Variants in PCDHA5 observed in about 807,000 individuals in gnomAD.
The protein encoded by PCDHA5 is protocadherin alpha 5.
Under a neutral mutation model 61.6 loss-of-function variants are expected in PCDHA5, and 43 were observed. The ratio of observed to expected loss-of-function variants is 0.70; its 90% CI spans 0.55 to 0.90. The LOEUF is 0.90. Ranked by LOEUF, PCDHA5 falls within the 40% of genes least tolerant of loss-of-function variation. The pLI, the probability that PCDHA5 is intolerant of heterozygous loss-of-function variation, is 0.00. For missense variants in PCDHA5, 1,298 were observed against 1,222.7 expected, an observed-to-expected ratio of 1.06 and a Z score of -0.92; for synonymous variants, 627 against 543.9, an observed-to-expected ratio of 1.15 and a Z score of -2.13.
rs2098417406 is a variant in PCDHA5, at chr5:141,010,474, G to A, written c.*537G>A. Reference sequence around the variant, plus strand: ...CGGAAGTTATCAGTATGGAGGGGAAGTGTAAACTTAAAGGGACCAGACTTT... The same window carrying A: ...CGGAAGTTATCAGTATGGAGGGGAAATGTAAACTTAAAGGGACCAGACTTT... On this transcript the variant is annotated 3_prime_UTR_variant, in exon 4 of 4. Transcript: ENST00000529859. The A allele has an allele frequency of 3.9e-6, 3 of 760,382 alleles. No individual in the cohort carries two copies. The highest frequency in any genetic ancestry group is 3.2e-5 in the Admixed American group (1 of 31,594). The allele number at this position is 760,382 out of a possible 1,614,324, so 47.1% of individuals were successfully genotyped here.
At chr5:140,825,350 T>TATATATTAGATATATCAATATCTAAA (rs1768518151) in intron 1 of PCDHA5, 1 of 147,632 alleles carries the variant, frequency 6.8e-6, no homozygotes, top group Non-Finnish European at 1.5e-5. Context: ...ATATATCTAA[T>TATATATTAGATATATCAATATCTAAA]ATATATTAGA....
chr5:140,952,566 G>A (rs1198943972), intron 1 of PCDHA5, among the ~76,000 whole-genome samples: 1 of 151,938 alleles, frequency 6.6e-6, no homozygotes, highest in African/African-American at 2.4e-5. Flanking sequence ...TCAGCACTTC[G>A]GTCCCAATCA....
intron 1 of PCDHA5, among the ~76,000 whole-genome samples, chr5:140,976,227 T>C (rs2096706900): frequency 6.6e-6 from 1 of 152,050 alleles, no homozygotes; most frequent in East Asian, 1.9e-4. Context: ...AGAAGAAAAA[T>C]ATATGTCATT....
chr5:140,835,835 G>T (rs2150246191), intron 1 of PCDHA5: 3 of 1,612,346 alleles, frequency 1.9e-6, no homozygotes, highest in African/African-American at 1.3e-5. Context: ...ACGCGGACGC[G>T]CAGAAGAACG....
At chr5:140,828,226 G>A (rs1554131112) in intron 1 of PCDHA5, 10 of 1,614,004 alleles carry the variant, frequency 6.2e-6, no homozygotes, top group Non-Finnish European at 5.1e-6. Context: ...GCACCTTCGT[G>A]GGCCGGATCG....
chr5:140,896,391 A>G (rs1438393041), intron 1 of PCDHA5, among the ~76,000 whole-genome samples: 2 of 152,040 alleles, frequency 1.3e-5, no homozygotes, highest in Non-Finnish European at 2.9e-5. Context: ...CCTCACCAGC[A>G]TCTGTTATTT....
chr5:140,913,531 A>T (rs1451484656), intron 1 of PCDHA5, among the ~76,000 whole-genome samples: 1 of 151,914 alleles, frequency 6.6e-6, no homozygotes, highest in Admixed American at 6.6e-5. Flanking sequence ...TTTTCAAAAG[A>T]TTGACTTTTT....
At chr5:140,986,508 G>T (rs1043049646) in intron 3 of PCDHA5, among the ~76,000 whole-genome samples, 26 of 152,184 alleles carry the variant, frequency 1.7e-4, no homozygotes, top group African/African-American at 5.3e-4. Context: ...TAAAAGGACT[G>T]CCCCTGCCTG....
At chr5:140,869,920 G>GTC in intron 1 of PCDHA5, 1 of 1,611,398 alleles carries the variant, frequency 6.2e-7, no homozygotes, top group Non-Finnish European at 8.5e-7. Context: ...AGACGAAGGA[G>GTC]TCAATGGAGA....
chr5:140,827,381 C>A, intron 1 of PCDHA5, among the ~76,000 whole-genome samples: 1 of 152,258 alleles, frequency 6.6e-6, no homozygotes, highest in South Asian at 2.1e-4. Flanking sequence ...CTAATATAAG[C>A]TGCAGATAAA....
chr5:140,980,294 A>G (rs1325974235), intron 2 of PCDHA5, among the ~76,000 whole-genome samples: 1 of 152,234 alleles, frequency 6.6e-6, no homozygotes, highest in Non-Finnish European at 1.5e-5. Context: ...TACCAAAGCT[A>G]TGAGTTGTGC....
chr5:140,869,284 C>T, intron 1 of PCDHA5: 1 of 1,613,582 alleles, frequency 6.2e-7, no homozygotes, highest in Non-Finnish European at 8.5e-7. Flanking sequence ...GGAGCTGGTG[C>T]AGCGCCTGTT....
At chr5:140,943,630 T>C (rs1224015760) in intron 1 of PCDHA5, among the ~76,000 whole-genome samples, 1 of 152,130 alleles carries the variant, frequency 6.6e-6, no homozygotes, top group Non-Finnish European at 1.5e-5. Flanking sequence ...ATAAGGAAGC[T>C]GGATTATGGA....
Position 140,997,511 on chromosome 5 carries a change from G to A in PCDHA5, c.2501-12116G>A, listed in dbSNP as rs565737825. Among the ~76,000 whole-genome samples, 79 of 152,108 alleles carry A rather than the reference G, an allele frequency of 5.2e-4. No individual in the cohort carries two copies. In the South Asian group the frequency reaches 1.0e-2, roughly 19 times the overall value. ...TTTGTGTATCTCAACATACCTAAACGCAGAAAAAGTACAATAAAAATACAT... is the reference window on the plus strand; with the variant it reads ...TTTGTGTATCTCAACATACCTAAACACAGAAAAAGTACAATAAAAATACAT... On this transcript the variant is annotated intron_variant, in intron 3 of 3. Transcript: ENST00000529859.
At chr5:140,834,579 G>A in intron 1 of PCDHA5, 1 of 1,614,068 alleles carries the variant, frequency 6.2e-7, no homozygotes, top group African/African-American at 1.3e-5. Flanking sequence ...CCTGTTCCGG[G>A]CGGTGTGCAA....
chr5:140,879,467 C>T (rs1331120758), intron 1 of PCDHA5, among the ~76,000 whole-genome samples: 1 of 152,040 alleles, frequency 6.6e-6, no homozygotes, highest in Admixed American at 6.6e-5. Context: ...TAAGAGAATA[C>T]CGTTGTGATT....
chr5:140,843,494 G>A, intron 1 of PCDHA5: 1 of 1,596,028 alleles, frequency 6.3e-7, no homozygotes, highest in Non-Finnish European at 8.6e-7. Context: ...GCGGTGCTCA[G>A]CACTGCCCAC....
rs2150224433 is a variant in PCDHA5 at position 140,834,693 on chromosome 5, A to G, written c.2352+10566A>G. 2.5e-6 allele frequency: 4 copies of G among 1,614,238 alleles called. No homozygotes were observed. In the Admixed American group the frequency reaches 6.7e-5, roughly 27 times the overall value. ...GTGCGGGCGGAGCGCGGAGTGCAGC[A>G]TCCACCTGGAGGTGATCGTGGAAAG... On this transcript the variant is annotated intron_variant, in intron 1 of 3. Coordinates refer to ENST00000529859, the MANE Select transcript of PCDHA5 (RefSeq NM_018908.3).
intron 1 of PCDHA5, chr5:140,877,503 G>A (rs1056644080): frequency 3.6e-5 from 58 of 1,613,716 alleles, no homozygotes; most frequent in Non-Finnish European, 4.8e-5. Context: ...AGGCCCCAAA[G>A]ACGTCGTCGC....
Sources: allele counts gnomAD v4.1 joint callset (sites outside exome capture counted in the v4.1 genomes callset), GRCh38; gene constraint gnomAD v4.1.1; transcripts MANE v1.5; gene names NCBI Gene and HGNC (gene_info 2026-07-23, HGNC 2026-07-21).